PVT1: variants seen among roughly 807,000 people sequenced by gnomAD.
PVT1 encodes Pvt1 oncogene.
At chr8:127,794,872 A>G (rs916608506) in intron 1 of PVT1, 1 of 152,246 alleles carries the variant, frequency 6.6e-6, no homozygotes, top group Non-Finnish European at 1.5e-5. Context: ...CACTGTCCTC[A>G]TCACCAGCCT....
At chr8:127,998,886 G>A (rs548657987) in intron 4 of PVT1, among the ~76,000 whole-genome samples, 182 of 131,356 alleles carry the variant, frequency 1.4e-3, no homozygotes, top group African/African-American at 5.1e-3. Flanking sequence ...TTTTTTTGGT[G>A]CATCCATACT....
chr8:127,924,153 C>A (rs1816097657), intron 3 of PVT1, among the ~76,000 whole-genome samples: 1 of 152,142 alleles, frequency 6.6e-6, no homozygotes, highest in Non-Finnish European at 1.5e-5. Context: ...CTGTTAGGGC[C>A]TCTTCTAGAA....
chr8:127,942,343 T>C (rs11784660), intron 3 of PVT1, among the ~76,000 whole-genome samples: 1 of 152,206 alleles, frequency 6.6e-6, no homozygotes, highest in African/African-American at 2.4e-5. Flanking sequence ...CTGCCTGTGA[T>C]GACAGGAAAG....
intron 3 of PVT1, among the ~76,000 whole-genome samples, chr8:127,937,580 C>CACACACACACACACACACACACAG (rs59006608): frequency 3.1e-4 from 33 of 107,862 alleles, no homozygotes; most frequent in African/African-American, 1.0e-3. Context: ...CACACACACA[C>CACACACACACACACACACACACAG]AGAGAGAGAG....
intron 4 of PVT1, among the ~76,000 whole-genome samples, chr8:128,001,904 C>T (rs1327078508): frequency 1.3e-5 from 2 of 152,092 alleles, no homozygotes; most frequent in Non-Finnish European, 2.9e-5. Flanking sequence ...ACTCAACACT[C>T]GTGACTGGAT....
At chr8:127,921,492 C>G (rs1039528186) in intron 3 of PVT1, among the ~76,000 whole-genome samples, 1 of 152,136 alleles carries the variant, frequency 6.6e-6, no homozygotes, top group Non-Finnish European at 1.5e-5. Context: ...GTACACAACT[C>G]AGCAAATTAG....
intron 2 of PVT1, chr8:127,851,932 A>G (rs931129163): frequency 6.6e-6 from 1 of 152,142 alleles, no homozygotes; most frequent in Non-Finnish European, 1.5e-5. Flanking sequence ...TTGCCTTCCT[A>G]GGTGGGAAGT....
chr8:127,868,333 C>G (rs2129763844), intron 2 of PVT1, among the ~76,000 whole-genome samples: 1 of 152,084 alleles, frequency 6.6e-6, no homozygotes, highest in South Asian at 2.1e-4. Flanking sequence ...TTTCCAGAAT[C>G]CAGGCATATG....
chr8:128,046,077 G>T lies in PVT1; in HGVS notation n.913-24083G>T, dbSNP rs185512477. Among the ~76,000 whole-genome samples, 3 of 152,308 alleles carry T rather than the reference G, an allele frequency of 2.0e-5. No individual in the cohort carries two copies. The East Asian group carries it at 5.8e-4, about 29-fold the overall frequency. On this transcript the variant is annotated intron_variant and non_coding_transcript_variant, in intron 4 of 10. Coordinates refer to ENST00000651587, the Ensembl canonical transcript of PVT1. ...CTACAGACCCCAAACTATTTCAGAT[G>T]TAGTTCCAGCCCTCCTAAGCAAGTG...
chr8:127,908,286 T>G (rs1357553361), intron 3 of PVT1, among the ~76,000 whole-genome samples: 1 of 152,068 alleles, frequency 6.6e-6, no homozygotes, highest in Non-Finnish European at 1.5e-5. Context: ...TGTGCATGCA[T>G]GTGCATCCCT....
At chr8:128,034,925 A>C (rs1338677075) in intron 4 of PVT1, among the ~76,000 whole-genome samples, 2 of 152,324 alleles carry the variant, frequency 1.3e-5, no homozygotes, top group Non-Finnish European at 2.9e-5. Flanking sequence ...ACATAGAAAC[A>C]CTTGCTTTGC....
At chr8:127,892,118 T>C (rs1418842994) in intron 3 of PVT1, among the ~76,000 whole-genome samples, 1 of 152,194 alleles carries the variant, frequency 6.6e-6, no homozygotes, top group Non-Finnish European at 1.5e-5. Context: ...TGAGTCTGAT[T>C]TTGATTGGAT....
intron 2 of PVT1, among the ~76,000 whole-genome samples, chr8:127,835,179 A>G (rs991256055): frequency 6.6e-6 from 1 of 152,166 alleles, no homozygotes; most frequent in Non-Finnish European, 1.5e-5. Context: ...TACAATAGCA[A>G]AGACCTGGAA....
intron 3 of PVT1, among the ~76,000 whole-genome samples, chr8:127,903,924 A>G (rs976940093): frequency 2.6e-5 from 4 of 152,148 alleles, no homozygotes; most frequent in African/African-American, 9.7e-5. Context: ...TTTTGGTTCC[A>G]TGTGAATTTT....
intron 4 of PVT1, among the ~76,000 whole-genome samples, chr8:128,035,646 T>C (rs1164337684): frequency 6.6e-6 from 1 of 152,218 alleles, no homozygotes; most frequent in Non-Finnish European, 1.5e-5. Context: ...CAAAAAGGAC[T>C]TTGCAGATGT....
At chr8:127,995,303 T>A (rs189008708) in intron 4 of PVT1, among the ~76,000 whole-genome samples, 87 of 152,370 alleles carry the variant, frequency 5.7e-4, no homozygotes, top group African/African-American at 2.0e-3. Flanking sequence ...CAATTGACTG[T>A]TGTCATTCTT....
chr8:127,868,667 A>G (rs781699467), intron 2 of PVT1, among the ~76,000 whole-genome samples: 16 of 149,204 alleles, frequency 1.1e-4, no homozygotes, highest in Non-Finnish European at 2.2e-4. Flanking sequence ...CACCTCCCAC[A>G]GTGCTGGGAT....
rs560837626 is a variant in PVT1 at position 127,853,497 on chromosome 8, G to T, written n.373-37092G>T. On this transcript the variant is annotated intron_variant and non_coding_transcript_variant, in intron 2 of 10. Transcript: ENST00000651587. Reference sequence around the variant, plus strand: ...AACTGAGCTTTAAAAGTGAATGAGAGGAGCCATGCGTGATGGCTCGAGCCT... The same window carrying T: ...AACTGAGCTTTAAAAGTGAATGAGATGAGCCATGCGTGATGGCTCGAGCCT... Among the ~76,000 whole-genome samples, 76 of 152,148 alleles carry T rather than the reference G, an allele frequency of 5.0e-4. No homozygotes were observed. The East Asian group carries it at 0.012, about 24-fold the overall frequency.
chr8:127,937,548 G>GACACACACACACACACACACACACAC (rs35147410), intron 3 of PVT1, among the ~76,000 whole-genome samples: 2 of 122,632 alleles, frequency 1.6e-5, no homozygotes, highest in African/African-American at 6.8e-5. Flanking sequence ...TAGGGAAAAA[G>GACACACACACACACACACACACACAC]ACACACACAC....
Sources: gnomAD v4.1 joint callset for allele counts (sites outside exome capture counted in the v4.1 genomes callset) on GRCh38, gnomAD v4.1.1 for gene constraint, MANE v1.5 for transcripts, NCBI Gene and HGNC (gene_info 2026-07-23, HGNC 2026-07-21) for gene names.